The following ODR4 variants were observed in gnomAD, a reference collection of about 807,000 sequenced individuals.
The protein encoded by ODR4 is odr-4 GPCR localization factor homolog.
A neutral mutation model predicts 60.2 loss-of-function variants in ODR4; 47 were observed. The ratio of observed to expected loss-of-function variants is 0.78; its 90% CI spans 0.62 to 1.00. The LOEUF (loss-of-function observed/expected upper bound fraction) is 1.00. Ranked by LOEUF, ODR4 falls within the 50% of genes least tolerant of loss-of-function variation. The pLI, the probability that ODR4 is intolerant of heterozygous loss-of-function variation, is 0.00. For synonymous variants in ODR4, 178 were observed against 175.5 expected, an observed-to-expected ratio of 1.01 and a Z score of -0.11; for missense variants, 488 against 530.8, an observed-to-expected ratio of 0.92 and a Z score of 0.79.
intron 12 of ODR4, among the ~76,000 whole-genome samples, chr1:186,411,371 G>A (rs143506757): frequency 1.6e-3 from 250 of 152,252 alleles, no homozygotes; most frequent in African/African-American, 5.9e-3. Flanking sequence ...TTGATGCTCT[G>A]TAATATACAG....
chr1:186,389,414 A>G (rs2102032474), intron 5 of ODR4, among the ~76,000 whole-genome samples, 174 bp from the exon 6 acceptor site: 1 of 152,306 alleles, frequency 6.6e-6, no homozygotes, highest in Non-Finnish European at 1.5e-5. Flanking sequence ...GATTATATAT[A>G]CACATATGTA....
chr1:186,394,290 G>T (rs74228916), intron 9 of ODR4, among the ~76,000 whole-genome samples: 1 of 151,940 alleles, frequency 6.6e-6, no homozygotes, highest in Non-Finnish European at 1.5e-5. Flanking sequence ...GTATGTATGT[G>T]TACATATTTT....
rs557173093 is a variant in ODR4, at chr1:186,390,543, T to TA, written c.475-167dup. 3.3e-5 allele frequency among the ~76,000 whole-genome samples: 5 copies of TA among 152,348 alleles called. No homozygotes were observed. The South Asian group carries it at 1.0e-3, about 32-fold the overall frequency. ...AGAGTACTGAACTTAACACATGCTT[T>TA]ATTTTGTGTTTAGTTCAACCTATAG... is the stretch of plus-strand genomic sequence containing the variant. On this transcript the variant is annotated intron_variant, in intron 6 of 13. Coordinates refer to ENST00000287859, the MANE Select transcript of ODR4 (RefSeq NM_017847.6).
intron 2 of ODR4, among the ~76,000 whole-genome samples, chr1:186,381,405 C>T (rs1383090215): frequency 1.3e-5 from 2 of 151,752 alleles, no homozygotes; most frequent in Non-Finnish European, 2.9e-5. Context: ...CGGCTCACTG[C>T]AGGCTCCGCC....
intron 12 of ODR4, among the ~76,000 whole-genome samples, chr1:186,414,417 A>G (rs969698731): frequency 3.3e-5 from 5 of 152,116 alleles, no homozygotes; most frequent in African/African-American, 1.2e-4. Context: ...TATTCAAGTA[A>G]TAAATTTCCT....
In ODR4 at chr1:186,419,019, A is replaced by G; in HGVS notation, c.1308A>G (p.Ala436=). Residue 436 remains alanine, a synonymous_variant, in exon 14 of 14, where the codon GCA becomes GCG. Coordinates refer to ENST00000287859, the MANE Select transcript of ODR4 (RefSeq NM_017847.6). ...TTGTTTTACTTTTAGGTGTGATTGCAGCATTTACAGTTGCAGTCCTTGCTG... is the reference window on the plus strand; with the variant it reads ...TTGTTTTACTTTTAGGTGTGATTGCGGCATTTACAGTTGCAGTCCTTGCTG... The part of the protein sequence containing the change: ...LKIQQNIGVI[A]AFTVAVLAAG... The G allele has an allele frequency of 3.7e-6, 6 of 1,607,748 alleles. No homozygotes were observed. The highest frequency in any genetic ancestry group is 5.1e-6 in the Non-Finnish European group (6 of 1,176,690).
intron 6 of ODR4, among the ~76,000 whole-genome samples, chr1:186,389,984 T>G (rs1018214394): frequency 6.6e-6 from 1 of 152,126 alleles, no homozygotes; most frequent in Non-Finnish European, 1.5e-5. Flanking sequence ...TTTGTTTTTT[T>G]TGATAGAGAT....
chr1:186,420,574 A>G lies in ODR4; in HGVS notation c.*1498A>G, dbSNP rs1332345775. On this transcript the variant is annotated 3_prime_UTR_variant, in exon 14 of 14. Transcript: ENST00000287859. ...GGAACCACAGGCAGATCTGAAAAAG[A>G]ACCAAATAGAGCTCCTAAAAATGAG... The G allele has an allele frequency of 6.6e-6, 1 of 152,232 alleles. No homozygotes were observed. The highest frequency in any genetic ancestry group is 2.4e-5 in the African/African-American group (1 of 41,464). 9.4% of individuals were successfully genotyped at this position (152,232 alleles called of 1,614,324 possible).
rs781316820 is a variant in ODR4, at chr1:186,417,689, CAT to C, written c.1297+38_1297+39del. 1.0e-5 allele frequency: 11 copies of C among 1,095,588 alleles called. No homozygotes were observed. The East Asian group carries it at 1.5e-4, about 15-fold the overall frequency. 67.9% of individuals were successfully genotyped at this position (1,095,588 alleles called of 1,614,324 possible). On this transcript the variant is annotated intron_variant, in intron 13 of 13. Coordinates refer to ENST00000287859, the MANE Select transcript of ODR4 (RefSeq NM_017847.6). The stretch of plus-strand genomic sequence containing the variant: ...TTTACTTCTTTTATAACACTGAAAA[CAT>C]ATTTAGATTTGAGTTTTCTTGTTAC...
intron 12 of ODR4, among the ~76,000 whole-genome samples, chr1:186,414,261 G>A (rs763469954): frequency 6.6e-6 from 1 of 152,010 alleles, no homozygotes; most frequent in Admixed American, 6.6e-5. Flanking sequence ...AATGGAAATA[G>A]GGCAATGAAA....
intron 12 of ODR4, among the ~76,000 whole-genome samples, chr1:186,408,754 C>G (rs1227339180): frequency 6.6e-6 from 1 of 151,346 alleles, no homozygotes; most frequent in East Asian, 1.9e-4. Context: ...TTGTGCATCT[C>G]ACATTCTTAA....
chr1:186,393,974 G>C lies in ODR4; in HGVS notation c.739G>C (p.Ala247Pro). 6.6e-7 allele frequency: 1 copy of C among 1,523,688 alleles called. No individual in the cohort carries two copies. The highest frequency in any genetic ancestry group is 1.2e-5 in the South Asian group (1 of 82,366). 94.4% of individuals were successfully genotyped at this position (1,523,688 alleles called of 1,614,324 possible). ...AAAATCTTCTAGAGGAAATACTCAA[G>C]CAACTAGTCATTCTTTTGATGTCAG... Reference protein sequence around the residue: ...QKKSSRGNTQATSHSFDVRVL... With the variant: ...QKKSSRGNTQPTSHSFDVRVL... Residue 247 changes from alanine to proline, a missense_variant, in exon 9 of 14, where the codon GCA (alanine) becomes CCA (proline). Physicochemically the swap from Ala to Pro is conservative, Grantham distance 27. Transcript: ENST00000287859.
At chr1:186,398,708 A>G (rs1229171904) in intron 10 of ODR4, among the ~76,000 whole-genome samples, 1 of 152,166 alleles carries the variant, frequency 6.6e-6, no homozygotes. Flanking sequence ...GGAACACTGC[A>G]ATTATTTTTT....
At chr1:186,378,897 A>C (rs1035518852) in intron 1 of ODR4, among the ~76,000 whole-genome samples, 1 of 152,132 alleles carries the variant, frequency 6.6e-6, no homozygotes, top group Non-Finnish European at 1.5e-5. Flanking sequence ...TATCTACTTA[A>C]ATAACTCTTA....
intron 7 of ODR4, among the ~76,000 whole-genome samples, chr1:186,391,060 T>C (rs1660450274): frequency 6.6e-6 from 1 of 152,214 alleles, no homozygotes; most frequent in Non-Finnish European, 1.5e-5. Flanking sequence ...ATATTCAGTT[T>C]AATAATAACT....
chr1:186,391,306 T>C (rs1660459892), intron 7 of ODR4, among the ~76,000 whole-genome samples: 1 of 151,594 alleles, frequency 6.6e-6, no homozygotes, highest in Admixed American at 6.6e-5. Flanking sequence ...ATTTTTATCT[T>C]ATTTTTCTTC....
At chr1:186,430,836 A>C in the ODR4 span, among the ~76,000 whole-genome samples, 3 of 149,692 alleles carry the variant, frequency 2.0e-5, no homozygotes, top group African/African-American at 7.5e-5. Context: ...AAGTATTTTC[A>C]TTTCTATGTC....
chr1:186,416,293 T>C (rs772524123), intron 12 of ODR4, among the ~76,000 whole-genome samples: 1 of 152,114 alleles, frequency 6.6e-6, no homozygotes, highest in Non-Finnish European at 1.5e-5. Context: ...CCCAGCACTT[T>C]GGGAGGCCGA....
chr1:186,401,156 T>C, intron 11 of ODR4: 1 of 1,594,512 alleles, frequency 6.3e-7, no homozygotes, highest in Non-Finnish European at 8.6e-7. Context: ...TATCCTGGTA[T>C]TCTTTCATAT....
Sources: allele counts gnomAD v4.1 joint callset (sites outside exome capture counted in the v4.1 genomes callset), GRCh38; gene constraint gnomAD v4.1.1; transcripts MANE v1.5; gene names NCBI Gene and HGNC (gene_info 2026-07-23, HGNC 2026-07-21).